Variants in MBD5 observed in about 807,000 individuals in gnomAD.
The protein encoded by MBD5 is methyl-CpG-binding domain protein 5.
Under a neutral mutation model 117.3 loss-of-function variants are expected in MBD5, and 13 were observed. The ratio of observed to expected loss-of-function variants is 0.11; its 90% CI spans 0.07 to 0.18. The LOEUF is 0.18. MBD5 is among the 10% of genes least tolerant of loss of function. The pLI is 1.00. For synonymous variants in MBD5, 727 were observed against 766.4 expected, an observed-to-expected ratio of 0.95 and a Z score of 0.85; for missense variants, 1,879 against 2,093.8, an observed-to-expected ratio of 0.90 and a Z score of 2.00.
In MBD5 at chr2:148,446,279, G is replaced by A. The variant is rs540358176; in HGVS notation, c.-556-11924G>A. Among the ~76,000 whole-genome samples the A allele has an allele frequency of 6.3e-4, 96 of 152,228 alleles. 1 individual carries two copies. The South Asian group carries it at 0.014, about 23-fold the overall frequency. ...TTATGGTTTTAGGTCTAACATGTAA[G>A]TCTTTAATCCATCTTGAATTAATTT... On this transcript the variant is annotated intron_variant, in intron 4 of 13. Coordinates refer to ENST00000642680, the MANE Select transcript of MBD5 (RefSeq NM_001378120.1).
intron 1 of MBD5, among the ~76,000 whole-genome samples, chr2:148,149,073 A>G (rs994528126): frequency 8.6e-5 from 13 of 151,292 alleles, no homozygotes; most frequent in Admixed American, 3.3e-4. Context: ...ATATCTCCCA[A>G]TGCTATCCCT....
intron 4 of MBD5, among the ~76,000 whole-genome samples, chr2:148,444,805 C>T (rs1706437908): frequency 6.6e-6 from 1 of 150,922 alleles, no homozygotes; most frequent in African/African-American, 2.5e-5. Context: ...GCCCACCTCC[C>T]CACCCCTCTG....
At chr2:148,456,564 A>G (rs1009707330) in intron 4 of MBD5, among the ~76,000 whole-genome samples, 3 of 152,146 alleles carry the variant, frequency 2.0e-5, no homozygotes, top group African/African-American at 7.2e-5. Context: ...ATAAACACAG[A>G]CATGAACAGC....
At chr2:148,234,598 T>C (rs1700053676) in intron 3 of MBD5, among the ~76,000 whole-genome samples, 3 of 152,170 alleles carry the variant, frequency 2.0e-5, no homozygotes, top group Non-Finnish European at 4.4e-5. Flanking sequence ...CAACAGAGTT[T>C]ATGGAACCAT....
At chr2:148,358,147 A>G (rs1703434566) in intron 4 of MBD5, among the ~76,000 whole-genome samples, 1 of 152,222 alleles carries the variant, frequency 6.6e-6, no homozygotes, top group African/African-American at 2.4e-5. Context: ...TCTTAAAAGA[A>G]GTAAAAACAT....
At chr2:148,466,865 T>C (rs1171478358) in intron 7 of MBD5, among the ~76,000 whole-genome samples, 5 of 152,202 alleles carry the variant, frequency 3.3e-5, no homozygotes, top group African/African-American at 4.8e-5. Flanking sequence ...TGTAGATTTA[T>C]TTGGACCCCA....
intron 3 of MBD5, among the ~76,000 whole-genome samples, chr2:148,250,758 GTTA>G (rs1488008777): frequency 6.6e-6 from 1 of 152,116 alleles, no homozygotes; most frequent in African/African-American, 2.4e-5. Flanking sequence ...TAAGAGAAAT[GTTA>G]TTATTCTTAT....
intron 1 of MBD5, among the ~76,000 whole-genome samples, chr2:148,072,409 T>C (rs1414668362): frequency 1.3e-5 from 2 of 152,214 alleles, no homozygotes; most frequent in Non-Finnish European, 1.5e-5. Context: ...ACTTCTATTA[T>C]AGAAATCATC....
At chr2:148,230,149 C>T (rs1699947299) in intron 2 of MBD5, among the ~76,000 whole-genome samples, 1 of 152,150 alleles carries the variant, frequency 6.6e-6, no homozygotes, top group African/African-American at 2.4e-5. Flanking sequence ...GCGGGTTCCC[C>T]AAGTCCCTGG....
At chr2:148,354,279 C>T (rs1703317910) in intron 4 of MBD5, among the ~76,000 whole-genome samples, 1 of 151,916 alleles carries the variant, frequency 6.6e-6, no homozygotes, top group Non-Finnish European at 1.5e-5. Context: ...CACCCCCCAC[C>T]AACAGGCCCC....
intron 2 of MBD5, among the ~76,000 whole-genome samples, chr2:148,226,988 A>C (rs1699841783): frequency 6.6e-6 from 1 of 151,976 alleles, no homozygotes; most frequent in Admixed American, 6.6e-5. Flanking sequence ...AATTTGTTTG[A>C]GTTAATTGTA....
chr2:148,294,196 G>GTTTTTTTT (rs60942822), intron 3 of MBD5, among the ~76,000 whole-genome samples: 3 of 127,146 alleles, frequency 2.4e-5, no homozygotes, highest in African/African-American at 8.9e-5. Flanking sequence ...CCAGAATGAA[G>GTTTTTTTT]TTTTTTTTTT....
intron 3 of MBD5, among the ~76,000 whole-genome samples, chr2:148,326,197 G>A (rs1162469410): frequency 6.6e-6 from 1 of 152,202 alleles, no homozygotes; most frequent in East Asian, 1.9e-4. Context: ...TACGGTCTGA[G>A]ATATAGTTTG....
At chr2:148,420,703 T>G (rs893274348) in intron 4 of MBD5, among the ~76,000 whole-genome samples, 1 of 51,252 alleles carries the variant, frequency 2.0e-5, no homozygotes, top group Non-Finnish European at 3.6e-5. Context: ...AGTCATGTTT[T>G]GTTTTGTTTT....
intron 1 of MBD5, among the ~76,000 whole-genome samples, chr2:148,174,327 G>C (rs1414303744): frequency 6.6e-6 from 1 of 152,140 alleles, no homozygotes; most frequent in Non-Finnish European, 1.5e-5. Context: ...AGACTTAAAT[G>C]TTAAGACCAG....
intron 3 of MBD5, among the ~76,000 whole-genome samples, chr2:148,338,725 A>G (rs1209269681): frequency 1.3e-5 from 2 of 152,238 alleles, no homozygotes; most frequent in Non-Finnish European, 2.9e-5. Context: ...CTCTGAGGAT[A>G]TTACCATGAG....
intron 1 of MBD5, among the ~76,000 whole-genome samples, chr2:148,059,974 T>C (rs1234428): frequency 0.12 from 18,222 of 150,644 alleles, 1,202 homozygotes; most frequent in African/African-American, 0.17. Context: ...TTCAAATGCA[T>C]GGAGCCACCC....
chr2:148,363,260 T>C (rs1703593011), intron 4 of MBD5, among the ~76,000 whole-genome samples: 1 of 151,762 alleles, frequency 6.6e-6, no homozygotes, highest in Non-Finnish European at 1.5e-5. Context: ...TGAGACAGAG[T>C]CTCACTCTGT....
At chr2:148,118,098 C>G (rs914743500) in intron 1 of MBD5, among the ~76,000 whole-genome samples, 11 of 151,972 alleles carry the variant, frequency 7.2e-5, no homozygotes, top group African/African-American at 2.4e-4. Context: ...CCACCATTAC[C>G]CAGAACTTAT....
Sources: allele counts gnomAD v4.1 joint callset (sites outside exome capture counted in the v4.1 genomes callset), GRCh38; gene constraint gnomAD v4.1.1; transcripts MANE v1.5; gene names NCBI Gene and HGNC (gene_info 2026-07-23, HGNC 2026-07-21).